The following CSMD1 variants were observed in gnomAD, a reference collection of about 807,000 sequenced individuals.
CSMD1 encodes the protein CUB and Sushi multiple domains 1, also known as CUB and sushi domain-containing protein 1.
Under a neutral mutation model 417.5 loss-of-function variants are expected in CSMD1, and 213 were observed. The ratio of observed to expected loss-of-function variants is 0.51; its 90% confidence interval spans 0.46 to 0.57. The LOEUF (loss-of-function observed/expected upper bound fraction) is 0.57, where lower values mean the gene tolerates loss of function less well. Among genes scored for constraint, CSMD1 ranks in the 20% least tolerant of loss-of-function variants. The probability of loss-of-function intolerance (pLI) is 0.00; values close to 1 mark genes in which losing one functional copy is unlikely to be tolerated. For missense variants in CSMD1, 6,923 were observed against 4,529.7 expected (o/e 1.53, Z -15.17); for synonymous variants, 2,862 against 1,736.8 (o/e 1.65, Z -16.11).
rs78644338 is a variant in CSMD1, at chr8:3,936,831, T to G, written c.818+61072A>C. On this transcript the variant is annotated intron_variant, in intron 5 of 69. Coordinates refer to ENST00000635120, the MANE Select transcript of CSMD1 (RefSeq NM_033225.6). The stretch of plus-strand genomic sequence containing the variant: ...TATGTTTCATAAGGCTATTGCTGCA[T>G]GGAGAGTGAGTCCATTGATGGATCT... 6.5e-3 allele frequency among the ~76,000 whole-genome samples: 989 copies of G among 152,260 alleles called. 13 individuals carry two copies. Among genetic ancestry groups the G allele is most frequent in the African/African-American group, 0.023 (948 of 41,546 alleles).
At chr8:4,626,056 G>A (rs573367474) in intron 2 of CSMD1, among the ~76,000 whole-genome samples, 4 of 152,206 alleles carry the variant, frequency 2.6e-5, no homozygotes, top group African/African-American at 9.6e-5. Flanking sequence ...GACTATCACG[G>A]ACTTGTAAGA....
chr8:4,067,201 T>A (rs1799298137), intron 3 of CSMD1, among the ~76,000 whole-genome samples: 1 of 152,270 alleles, frequency 6.6e-6, no homozygotes, highest in African/African-American at 2.4e-5. Context: ...TCTTTGCATC[T>A]ATTTTATCAT....
rs569328774 is a variant in CSMD1, at chr8:3,785,299, A to G, written c.819-31257T>C. ...GACAGAAGCATTTATAAAATAAATG[A>G]TGAAACTTCAGGCTGCGGAAAATAA... is the stretch of plus-strand genomic sequence containing the variant. On this transcript the variant is annotated intron_variant, in intron 5 of 69. Transcript: ENST00000635120. Among the ~76,000 whole-genome samples, 9 of 152,248 alleles carry G rather than the reference A, an allele frequency of 5.9e-5. 1 individual carries two copies. In the South Asian group the frequency reaches 1.9e-3, roughly 32 times the overall value.
intron 3 of CSMD1, among the ~76,000 whole-genome samples, chr8:4,407,997 A>G (rs1347262997): frequency 2.6e-5 from 4 of 152,166 alleles, no homozygotes; most frequent in African/African-American, 7.2e-5. Flanking sequence ...AGAAAACTGC[A>G]AGTCCCCACA....
chr8:4,037,384 C>T (rs1465261984), intron 3 of CSMD1, among the ~76,000 whole-genome samples: 3 of 152,336 alleles, frequency 2.0e-5, no homozygotes, highest in South Asian at 2.1e-4. Flanking sequence ...CCATCAGCTC[C>T]ACGCAACAGC....
chr8:3,664,017 G>C (rs1265288575), intron 7 of CSMD1, among the ~76,000 whole-genome samples: 1 of 152,180 alleles, frequency 6.6e-6, no homozygotes, highest in African/African-American at 2.4e-5. Context: ...TTGAGTTAAA[G>C]TTCTTAATCT....
chr8:3,097,120 A>G (rs1815362499), intron 46 of CSMD1, 83 bp from the exon 47 acceptor site: 1 of 1,114,850 alleles, frequency 9.0e-7, no homozygotes, highest in Admixed American at 3.1e-5. Context: ...CTGTATAAAC[A>G]AGTCAATGAA....
intron 2 of CSMD1, among the ~76,000 whole-genome samples, chr8:4,512,034 A>G (rs1479798969): frequency 6.6e-6 from 1 of 152,184 alleles, no homozygotes; most frequent in East Asian, 1.9e-4. Context: ...GGTTGCAAAA[A>G]TCCTCAACAA....
At chr8:3,912,863 G>C (rs1333530544) in intron 5 of CSMD1, among the ~76,000 whole-genome samples, 2 of 152,192 alleles carry the variant, frequency 1.3e-5, no homozygotes, top group East Asian at 3.8e-4. Flanking sequence ...AGGGGGCGTA[G>C]TAGTGATGGT....
Position 4,398,388 on chromosome 8 carries a change from CT to C in CSMD1, c.415+21564del, listed in dbSNP as rs767579097. 3.2e-3 allele frequency among the ~76,000 whole-genome samples: 369 copies of C among 114,468 alleles called. 1 individual carries two copies. The highest frequency in any genetic ancestry group is 3.8e-3 in the African/African-American group (110 of 28,980). 75.1% of individuals were successfully genotyped at this position (114,468 alleles called of 152,430 possible). On this transcript the variant is annotated intron_variant, in intron 3 of 69. Transcript: ENST00000635120. ...TTTTTAAATTGTCTTGCTGCAACTTCTTTTTTTTTTTTTTTTTTTTGTGAGA... is the reference window on the plus strand; with the variant it reads ...TTTTTAAATTGTCTTGCTGCAACTTCTTTTTTTTTTTTTTTTTTTGTGAGA...
intron 1 of CSMD1, among the ~76,000 whole-genome samples, chr8:4,800,140 T>C (rs1455130579): frequency 1.3e-5 from 2 of 152,092 alleles, no homozygotes; most frequent in Non-Finnish European, 2.9e-5. Context: ...TTGTTATTAA[T>C]ACAAGAAAGG....
At chr8:3,115,942 C>T (rs1015257794) in intron 42 of CSMD1, among the ~76,000 whole-genome samples, 3 of 152,094 alleles carry the variant, frequency 2.0e-5, no homozygotes, top group Non-Finnish European at 1.5e-5. Context: ...AATCACTGAC[C>T]TGAAATGATA....
At chr8:4,263,934 T>A (rs952308247) in intron 3 of CSMD1, among the ~76,000 whole-genome samples, 1 of 152,202 alleles carries the variant, frequency 6.6e-6, no homozygotes, top group African/African-American at 2.4e-5. Flanking sequence ...AGTGTTTTTC[T>A]ATCTATATAA....
intron 2 of CSMD1, among the ~76,000 whole-genome samples, chr8:4,557,791 C>A (rs1489113410): frequency 6.6e-6 from 1 of 152,290 alleles, no homozygotes; most frequent in South Asian, 2.1e-4. Context: ...CCGTGCCCCA[C>A]GTTCAGGTTA....
chr8:3,242,928 C>T (rs892305243), intron 26 of CSMD1, among the ~76,000 whole-genome samples: 1 of 152,016 alleles, frequency 6.6e-6, no homozygotes, highest in Non-Finnish European at 1.5e-5. Flanking sequence ...TGGTCAGACA[C>T]CTCTGAAACG....
At chr8:3,506,527 A>T (rs1445091405) in intron 10 of CSMD1, among the ~76,000 whole-genome samples, 1 of 152,222 alleles carries the variant, frequency 6.6e-6, no homozygotes, top group Non-Finnish European at 1.5e-5. Flanking sequence ...AGCAGCAGTT[A>T]CACAGATACT....
intron 3 of CSMD1, among the ~76,000 whole-genome samples, chr8:4,308,178 C>G (rs142119201): frequency 1.2e-3 from 183 of 152,266 alleles, no homozygotes; most frequent in African/African-American, 3.9e-3. Flanking sequence ...CTCAATATCT[C>G]TGTGAGTTAG....
At chr8:4,928,637 G>A (rs551712535) in intron 1 of CSMD1, among the ~76,000 whole-genome samples, 3 of 152,208 alleles carry the variant, frequency 2.0e-5, no homozygotes, top group South Asian at 4.1e-4. Context: ...CATAGTAAGG[G>A]GCTGACAGGA....
chr8:3,812,309 T>C (rs973677870), intron 5 of CSMD1, among the ~76,000 whole-genome samples: 1 of 152,218 alleles, frequency 6.6e-6, no homozygotes, highest in Non-Finnish European at 1.5e-5. Flanking sequence ...AGGGTCCTTT[T>C]CTGAGCTTTG....
Sources: gnomAD v4.1 joint callset for allele counts (sites outside exome capture counted in the v4.1 genomes callset) on GRCh38, gnomAD v4.1.1 for gene constraint, MANE v1.5 for transcripts, NCBI Gene and HGNC (gene_info 2026-07-23, HGNC 2026-07-21) for gene names.